DIP2B: variants seen among roughly 807,000 people sequenced by gnomAD.
DIP2B encodes the protein disco-interacting protein 2 homolog B.
In DIP2B, 76 loss-of-function variants were observed where a neutral mutation model predicts 198.0. The ratio of observed to expected loss-of-function variants is 0.38; its 90% CI spans 0.32 to 0.46. The LOEUF (loss-of-function observed/expected upper bound fraction) is 0.46, where lower values mean the gene tolerates loss of function less well. DIP2B is among the 20% of genes least tolerant of loss of function. DIP2B has a pLI of 0.99. For missense variants in DIP2B, 1,559 were observed against 1,978.4 expected (o/e 0.79, Z 4.02); for synonymous variants, 701 against 739.1 (o/e 0.95, Z 0.84).
intron 28 of DIP2B, among the ~76,000 whole-genome samples, chr12:50,725,822 C>T (rs1321241606): frequency 5.9e-5 from 9 of 151,760 alleles, no homozygotes; most frequent in African/African-American, 1.9e-4. Flanking sequence ...TGGCTCCATT[C>T]CCAGCCTCTT....
chr12:50,668,182 G>A (rs1938789382), intron 4 of DIP2B, among the ~76,000 whole-genome samples: 1 of 152,148 alleles, frequency 6.6e-6, no homozygotes, highest in Admixed American at 6.6e-5. Flanking sequence ...CAGGCCTTGG[G>A]TTAGGTCTTA....
intron 12 of DIP2B, among the ~76,000 whole-genome samples, chr12:50,687,784 C>T (rs911059536): frequency 6.6e-6 from 1 of 151,508 alleles, no homozygotes; most frequent in African/African-American, 2.4e-5. Flanking sequence ...CTAATGCATG[C>T]GGGGCTTAAA....
chr12:50,543,878 A>G (rs1446621305), intron 1 of DIP2B, among the ~76,000 whole-genome samples: 1 of 132,608 alleles, frequency 7.5e-6, no homozygotes, highest in African/African-American at 2.8e-5. Flanking sequence ...GAGCTGAGGT[A>G]GTGCCAATGA....
At chr12:50,588,268 C>T (rs1958787805) in intron 1 of DIP2B, among the ~76,000 whole-genome samples, 1 of 152,044 alleles carries the variant, frequency 6.6e-6, no homozygotes, top group Non-Finnish European at 1.5e-5. Context: ...TCTTGTGCCT[C>T]AGCCTCCTGA....
intron 1 of DIP2B, among the ~76,000 whole-genome samples, chr12:50,554,936 T>A (rs1376387466): frequency 6.6e-6 from 1 of 151,916 alleles, no homozygotes; most frequent in Non-Finnish European, 1.5e-5. Flanking sequence ...CCTGCCTAAT[T>A]TTTTGTATTT....
intron 12 of DIP2B, among the ~76,000 whole-genome samples, chr12:50,689,974 G>A (rs1461271713): frequency 6.6e-6 from 1 of 152,138 alleles, no homozygotes; most frequent in Non-Finnish European, 1.5e-5. Context: ...TCAAAAAATT[G>A]GGGCTGGTCC....
Position 50,693,819 on chromosome 12 carries a change from A to G in DIP2B, c.1719+806A>G, listed in dbSNP as rs116826591. Among the ~76,000 whole-genome samples, 117 of 152,340 alleles carry G rather than the reference A, an allele frequency of 7.7e-4. 1 individual carries two copies. The highest frequency in any genetic ancestry group is 2.3e-3 in the African/African-American group (94 of 41,562). ...ACCAAAAGTTTCTCACCAGAGCTAGAAACTTGGAGAGAGAAAACAGTATCT... is the reference window on the plus strand; with the variant it reads ...ACCAAAAGTTTCTCACCAGAGCTAGGAACTTGGAGAGAGAAAACAGTATCT... On this transcript the variant is annotated intron_variant, in intron 14 of 37. Coordinates refer to ENST00000301180, the MANE Select transcript of DIP2B (RefSeq NM_173602.3).
At position 50,699,166 on chromosome 12, in the gene DIP2B, C is replaced by T. The variant is rs749374805; in HGVS notation, c.2289C>T (p.Tyr763=). The change falls in exon 19 of 38, where the codon TAC becomes TAT. Residue 763 remains tyrosine (Y), a synonymous_variant. Transcript: ENST00000301180. ...CVSSRTGGMM[Y]FGLAGVTKNT... Reference sequence around the variant, plus strand: ...GCTCCAGAACTGGAGGCATGATGTACTTTGGGCTTGCTGGTGTGACAAAAA... The same window carrying T: ...GCTCCAGAACTGGAGGCATGATGTATTTTGGGCTTGCTGGTGTGACAAAAA... The T allele has an allele frequency of 5.6e-6, 9 of 1,614,172 alleles. No homozygotes were observed. The South Asian group carries it at 9.9e-5, about 18-fold the overall frequency.
intron 1 of DIP2B, among the ~76,000 whole-genome samples, chr12:50,552,392 G>A (rs543390642): frequency 3.4e-4 from 51 of 151,360 alleles, no homozygotes; most frequent in Middle Eastern, 3.4e-3. Flanking sequence ...TCAGCCTCCC[G>A]AGTAGCTGGG....
intron 1 of DIP2B, among the ~76,000 whole-genome samples, chr12:50,577,496 T>A (rs1244236847): frequency 1.3e-5 from 2 of 151,690 alleles, no homozygotes; most frequent in African/African-American, 4.8e-5. Context: ...ATGGTGCCAC[T>A]GCACTCCAAC....
intron 32 of DIP2B, 142 bp downstream of exon 32, chr12:50,732,678 A>G: frequency 9.6e-7 from 1 of 1,039,932 alleles, no homozygotes; most frequent in Non-Finnish European, 1.4e-6. Context: ...TTAAATCTCG[A>G]TTTCTTTGTG....
intron 3 of DIP2B, among the ~76,000 whole-genome samples, chr12:50,648,598 C>T (rs1565857997): frequency 6.6e-6 from 1 of 151,522 alleles, no homozygotes; most frequent in South Asian, 2.1e-4. Flanking sequence ...CTCCTGGCCT[C>T]GTGATCCGCC....
chr12:50,515,689 C>T (rs904229054), intron 1 of DIP2B, among the ~76,000 whole-genome samples: 2 of 152,118 alleles, frequency 1.3e-5, no homozygotes, highest in Non-Finnish European at 2.9e-5. Flanking sequence ...TGTTCTTCAC[C>T]TCACTTTACA....
intron 22 of DIP2B, among the ~76,000 whole-genome samples, chr12:50,709,217 T>C (rs1490372422): frequency 2.0e-5 from 3 of 152,256 alleles, no homozygotes; most frequent in Non-Finnish European, 4.4e-5. Flanking sequence ...TAAAATTATC[T>C]GTTTTATAGA....
At chr12:50,577,548 TA>T (rs569188099) in intron 1 of DIP2B, among the ~76,000 whole-genome samples, 1 of 150,530 alleles carries the variant, frequency 6.6e-6, no homozygotes, top group Non-Finnish European at 1.5e-5. Context: ...ATAAAAAAAA[TA>T]AAAAAAAGTA....
chr12:50,517,454 T>G (rs1958075993), intron 1 of DIP2B, among the ~76,000 whole-genome samples: 1 of 152,094 alleles, frequency 6.6e-6, no homozygotes, highest in African/African-American at 2.4e-5. Flanking sequence ...GTTCAGGCAC[T>G]TATTTCTTGC....
chr12:50,626,152 C>T, intron 2 of DIP2B, 105 bp downstream of exon 2: 6 of 1,182,550 alleles, frequency 5.1e-6, no homozygotes, highest in Non-Finnish European at 7.4e-6. Flanking sequence ...CCCTCCCTTC[C>T]TCACCAGGGG....
chr12:50,531,731 G>T (rs774233843), intron 1 of DIP2B, among the ~76,000 whole-genome samples: 1 of 152,314 alleles, frequency 6.6e-6, no homozygotes, highest in Middle Eastern at 3.4e-3. Context: ...GCCGTGTGAG[G>T]TGGAGAGAAA....
intron 13 of DIP2B, among the ~76,000 whole-genome samples, chr12:50,691,707 T>C (rs1035282444): frequency 8.6e-5 from 13 of 152,044 alleles, no homozygotes; most frequent in Admixed American, 7.9e-4. Context: ...CATGAAATTA[T>C]ATATATATAC....
Sources: gnomAD v4.1 joint callset for allele counts (sites outside exome capture counted in the v4.1 genomes callset) on GRCh38, gnomAD v4.1.1 for gene constraint, MANE v1.5 for transcripts, NCBI Gene and HGNC (gene_info 2026-07-23, HGNC 2026-07-21) for gene names.